Variants in TENM3 observed in about 807,000 individuals in gnomAD.
The protein encoded by TENM3 is teneurin transmembrane protein 3, also known as teneurin-3.
TENM3 carries 63 observed loss-of-function variants against 255.1 expected under a neutral mutation model. That is an observed-to-expected ratio of 0.25 (90% CI 0.20 to 0.30). The LOEUF is 0.30. Among genes scored for constraint, TENM3 ranks in the 10% least tolerant of loss-of-function variants. TENM3 has a pLI of 1.00. For synonymous variants in TENM3, 1,306 were observed against 1,322.3 expected, an observed-to-expected ratio of 0.99 and a Z score of 0.27; for missense variants, 2,929 against 3,461.1, an observed-to-expected ratio of 0.85 and a Z score of 3.86.
chr4:182,773,845 T>C, intron 23 of TENM3, 198 bp downstream of exon 23: 1 of 438,852 alleles, frequency 2.3e-6, no homozygotes, highest in South Asian at 5.7e-5. Flanking sequence ...TAAGATAATC[T>C]GTCATCCTTG....
intron 3 of TENM3, among the ~76,000 whole-genome samples, chr4:182,448,683 G>C (rs1580579635): frequency 6.6e-6 from 1 of 151,578 alleles, no homozygotes; most frequent in East Asian, 2.0e-4. Context: ...TGTGTGGAGG[G>C]GAGGATGCCG....
At chr4:181,721,556 C>T in the TENM3 span, among the ~76,000 whole-genome samples, 5 of 26,126 alleles carry the variant, frequency 1.9e-4, 1 homozygote, top group African/African-American at 3.9e-4. Flanking sequence ...GCCGAGATCG[C>T]GCCACTGCAC....
intron 3 of TENM3, among the ~76,000 whole-genome samples, chr4:182,442,780 GTA>G (rs1183121594): frequency 8.0e-6 from 1 of 125,640 alleles, no homozygotes; most frequent in Non-Finnish European, 1.7e-5. Flanking sequence ...GTGTGTGTGT[GTA>G]CATATGTGTG....
At chr4:182,075,336 C>T in the TENM3 span, among the ~76,000 whole-genome samples, 43 of 151,574 alleles carry the variant, frequency 2.8e-4, no homozygotes, top group Middle Eastern at 0.01. Context: ...GTAGCTGGGA[C>T]TACAGGCACA....
At chr4:181,928,648 A>G in the TENM3 span, among the ~76,000 whole-genome samples, 3 of 151,784 alleles carry the variant, frequency 2.0e-5, no homozygotes. Context: ...CTAGCAAGAC[A>G]GGCCAATATT....
At chr4:182,308,265 C>T (rs1762247702) in intron 1 of TENM3, among the ~76,000 whole-genome samples, 1 of 152,122 alleles carries the variant, frequency 6.6e-6, no homozygotes, top group Non-Finnish European at 1.5e-5. Flanking sequence ...CTGGGTTGGG[C>T]GTTGTCTACC....
the TENM3 span, among the ~76,000 whole-genome samples, chr4:182,107,523 G>A: frequency 1.3e-5 from 2 of 152,192 alleles, no homozygotes; most frequent in African/African-American, 4.8e-5. Context: ...AGCGAAAAGT[G>A]GGGGGACATT....
At chr4:182,004,462 T>C in the TENM3 span, among the ~76,000 whole-genome samples, 1 of 152,222 alleles carries the variant, frequency 6.6e-6, no homozygotes, top group South Asian at 2.1e-4. Context: ...ATTTTCTTTA[T>C]CTAGCCTATC....
Position 182,793,999 on chromosome 4 carries a change from A to C in TENM3, c.7213+114A>C. ...TTTATACTTTACTCAGGCAAAGGCA[A>C]ATGGCTAACCTTTTAAATGTGTTTA... On this transcript the variant is annotated intron_variant, in intron 26 of 27. Transcript: ENST00000511685. This position sits in a 1 kb window ranked among gnomAD's most constrained non-coding sequence, Gnocchi z 5.7. The C allele has an allele frequency of 1.1e-6, 1 of 875,626 alleles. No homozygotes were observed. Among genetic ancestry groups the C allele is most frequent in the Non-Finnish European group, 1.7e-6 (1 of 580,740 alleles). The allele number at this position is 875,626 out of a possible 1,614,324, so 54.2% of individuals were successfully genotyped here. A position where few individuals can be genotyped will look rare whatever the true frequency, so the allele number is the denominator to read the frequency against.
intron 3 of TENM3, among the ~76,000 whole-genome samples, chr4:182,495,703 G>A (rs1200583046): frequency 1.3e-5 from 2 of 152,102 alleles, no homozygotes; most frequent in Admixed American, 6.5e-5. Flanking sequence ...TGTAGTTTTC[G>A]TTTTATGTGT....
chr4:182,348,023 C>T (rs79490646), intron 3 of TENM3, among the ~76,000 whole-genome samples: 6 of 152,158 alleles, frequency 3.9e-5, no homozygotes, highest in Non-Finnish European at 8.8e-5. Flanking sequence ...AGCTAAGTCA[C>T]AGTGTGAAGC....
chr4:181,963,773 G>A, the TENM3 span, among the ~76,000 whole-genome samples: 11 of 152,262 alleles, frequency 7.2e-5, no homozygotes, highest in African/African-American at 2.6e-4. Flanking sequence ...AAAACTTAAT[G>A]GGTGCTTGTT....
chr4:182,334,421 C>T (rs923007483), intron 2 of TENM3, among the ~76,000 whole-genome samples: 38 of 152,070 alleles, frequency 2.5e-4, no homozygotes, highest in African/African-American at 7.2e-4. Flanking sequence ...TTTTAATTGG[C>T]GTGAGTGATC....
At chr4:182,110,455 G>A in the TENM3 span, among the ~76,000 whole-genome samples, 1 of 151,952 alleles carries the variant, frequency 6.6e-6, no homozygotes, top group Non-Finnish European at 1.5e-5. Context: ...CTCCCGAGTA[G>A]GTGGGACCAC....
At chr4:181,488,075 C>A in the TENM3 span, among the ~76,000 whole-genome samples, 1 of 152,166 alleles carries the variant, frequency 6.6e-6, no homozygotes, top group Non-Finnish European at 1.5e-5. Flanking sequence ...GGTTGTAGAA[C>A]AAACCTGGGC....
At chr4:182,033,113 T>C in the TENM3 span, among the ~76,000 whole-genome samples, 1 of 152,098 alleles carries the variant, frequency 6.6e-6, no homozygotes, top group South Asian at 2.1e-4. Context: ...CTTGGTTCTC[T>C]AGTTCTTTTA....
chr4:182,025,270 C>T, the TENM3 span, among the ~76,000 whole-genome samples: 5 of 152,054 alleles, frequency 3.3e-5, no homozygotes, highest in African/African-American at 1.2e-4. Flanking sequence ...CCTCGTGATC[C>T]GCCTGCCTCA....
intron 3 of TENM3, among the ~76,000 whole-genome samples, chr4:182,577,530 C>G (rs1220671774): frequency 6.6e-6 from 1 of 152,156 alleles, no homozygotes; most frequent in African/African-American, 2.4e-5. Flanking sequence ...TGCAGTATTG[C>G]TATATTGAAG....
chr4:181,470,108 T>A, the TENM3 span, among the ~76,000 whole-genome samples: 13 of 112,754 alleles, frequency 1.2e-4, no homozygotes, highest in Middle Eastern at 5.2e-3. Flanking sequence ...ATAGCTTCTG[T>A]AAAAAAAAAA....
Sources: gnomAD v4.1 joint callset for allele counts (sites outside exome capture counted in the v4.1 genomes callset) on GRCh38, gnomAD v4.1.1 for gene constraint, Gnocchi (gnomAD v3.1) non-coding constraint, MANE v1.5 for transcripts, NCBI Gene and HGNC (gene_info 2026-07-23, HGNC 2026-07-21) for gene names.